The following NBEA variants were observed in gnomAD, a reference collection of about 807,000 sequenced individuals.
NBEA encodes neurobeachin, also known as lysosomal-trafficking regulator 2.
Under a neutral mutation model 343.4 loss-of-function variants are expected in NBEA, and 44 were observed. The observed-to-expected ratio is 0.13, with a 90% CI of 0.10 to 0.16. The LOEUF is 0.16. Ranked by LOEUF, NBEA falls within the 10% of genes least tolerant of loss-of-function variation. The pLI is 1.00. For synonymous variants in NBEA, 1,175 were observed against 1,238.7 expected, an observed-to-expected ratio of 0.95 and a Z score of 1.08; for missense variants, 2,555 against 3,631.3, an observed-to-expected ratio of 0.70 and a Z score of 7.62.
chr13:35,177,250 T>A, intron 28 of NBEA, 147 bp downstream of exon 28: 1 of 604,164 alleles, frequency 1.7e-6, no homozygotes, highest in Non-Finnish European at 2.9e-6. Flanking sequence ...TATAAAATGG[T>A]TGAACCTTAG....
At chr13:35,131,396 G>A (rs1308383831) in intron 17 of NBEA, among the ~76,000 whole-genome samples, 1 of 152,078 alleles carries the variant, frequency 6.6e-6, no homozygotes, top group Non-Finnish European at 1.5e-5. Context: ...GAATGTAAAG[G>A]TGGTTTAACA....
At chr13:34,977,429 G>A (rs187213963) in intron 1 of NBEA, among the ~76,000 whole-genome samples, 27 of 151,432 alleles carry the variant, frequency 1.8e-4, no homozygotes, top group African/African-American at 4.9e-4. Context: ...CTGCCTCAGC[G>A]TCTTGAGTAG....
At chr13:35,532,557 A>G (rs2078316547) in intron 41 of NBEA, among the ~76,000 whole-genome samples, 1 of 152,218 alleles carries the variant, frequency 6.6e-6, no homozygotes, top group Non-Finnish European at 1.5e-5. Flanking sequence ...GCTTTGTTAC[A>G]GGTATGATAA....
chr13:35,068,402 T>C (rs1375489416), intron 8 of NBEA, among the ~76,000 whole-genome samples: 1 of 152,186 alleles, frequency 6.6e-6, no homozygotes, highest in Admixed American at 6.6e-5. Flanking sequence ...AGTTTTGTTC[T>C]AGACAATGGG....
rs749861224 is a variant in NBEA, at chr13:35,159,430, G to C, written c.3259G>C (p.Gly1087Arg). The change falls in exon 22 of 59, where the codon GGT becomes CGT. Residue 1087 changes from glycine (G) to arginine (R), a missense_variant. By Grantham distance (125) the Gly-to-Arg change is moderately radical. Coordinates refer to ENST00000379939, the MANE Select transcript of NBEA (RefSeq NM_001385012.1). ...GGAGACTTTAGTAGGTGGAGAGAAT[G>C]GTGCCCTTGTGGAGGTTGAATCTCT... Reference protein sequence around the residue: ...SPETLVGGENGALVEVESLLD... With the variant: ...SPETLVGGENRALVEVESLLD... The C allele has an allele frequency of 1.2e-6, 2 of 1,613,352 alleles. No individual in the cohort carries two copies. The highest frequency in any genetic ancestry group is 3.3e-5 in the Admixed American group (2 of 59,892).
chr13:35,372,682 G>A (rs989272754), intron 38 of NBEA, among the ~76,000 whole-genome samples: 2 of 152,224 alleles, frequency 1.3e-5, no homozygotes, highest in African/African-American at 4.8e-5. Flanking sequence ...TAGCAGCTTC[G>A]TGTGGTGGTG....
intron 1 of NBEA, among the ~76,000 whole-genome samples, chr13:35,031,108 A>G (rs1244197636): frequency 1.3e-5 from 2 of 151,642 alleles, no homozygotes; most frequent in Non-Finnish European, 3.0e-5. Flanking sequence ...CCTTTATTCT[A>G]CAAATTTATA....
At chr13:35,141,158 A>G (rs968031333) in intron 17 of NBEA, among the ~76,000 whole-genome samples, 7 of 152,234 alleles carry the variant, frequency 4.6e-5, no homozygotes, top group African/African-American at 1.7e-4. Context: ...TTTAGTGATT[A>G]CTTTGTCAGG....
chr13:35,122,277 T>A (rs935005267), intron 16 of NBEA, among the ~76,000 whole-genome samples: 1 of 152,140 alleles, frequency 6.6e-6, no homozygotes, highest in Admixed American at 6.6e-5. Flanking sequence ...ACACGTATGT[T>A]TATTGTGGCA....
chr13:35,164,619 G>A (rs1006373821), intron 24 of NBEA, 110 bp downstream of exon 24: 1 of 1,186,552 alleles, frequency 8.4e-7, no homozygotes, highest in Non-Finnish European at 1.2e-6. Flanking sequence ...TACTTTTTAG[G>A]CAAATTTTTA....
chr13:34,965,633 A>G (rs1370858726), intron 1 of NBEA, among the ~76,000 whole-genome samples: 3 of 152,050 alleles, frequency 2.0e-5, no homozygotes, highest in South Asian at 2.1e-4. Flanking sequence ...TTTAGCTTCT[A>G]TATTTTTTTA....
chr13:35,450,859 G>C (rs2046275387), intron 39 of NBEA, among the ~76,000 whole-genome samples: 1 of 152,172 alleles, frequency 6.6e-6, no homozygotes, highest in South Asian at 2.1e-4. Flanking sequence ...AGTATTTCAT[G>C]TCTGTGGTGT....
chr13:35,652,411 C>T (rs539889429), intron 53 of NBEA, among the ~76,000 whole-genome samples: 12 of 150,294 alleles, frequency 8.0e-5, no homozygotes, highest in African/African-American at 2.2e-4. Flanking sequence ...GAGTCCAAGA[C>T]GGGCGGATCA....
At chr13:35,327,379 G>A (rs2038638015) in intron 36 of NBEA, among the ~76,000 whole-genome samples, 1 of 151,942 alleles carries the variant, frequency 6.6e-6, no homozygotes, top group Non-Finnish European at 1.5e-5. Flanking sequence ...ATCAACCTAG[G>A]TGCCCATCAG....
intron 11 of NBEA, among the ~76,000 whole-genome samples, chr13:35,101,466 A>G (rs1202998545): frequency 2.0e-5 from 3 of 151,624 alleles, no homozygotes; most frequent in East Asian, 3.9e-4. Flanking sequence ...CTTGTTGTCT[A>G]TTTTCATGTG....
At chr13:35,394,812 TG>T (rs1398295201) in intron 38 of NBEA, among the ~76,000 whole-genome samples, 8 of 152,166 alleles carry the variant, frequency 5.3e-5, no homozygotes, top group South Asian at 2.1e-4. Context: ...TGTTTTGTTT[TG>T]TTTTTTTCTA....
At chr13:35,148,559 G>A (rs992015875) in intron 18 of NBEA, among the ~76,000 whole-genome samples, 3 of 151,954 alleles carry the variant, frequency 2.0e-5, no homozygotes, top group Non-Finnish European at 4.4e-5. Context: ...ATGTAGAAAA[G>A]CACCAAAATA....
intron 33 of NBEA, among the ~76,000 whole-genome samples, chr13:35,230,211 T>C (rs2074893455): frequency 6.6e-6 from 1 of 152,092 alleles, no homozygotes; most frequent in African/African-American, 2.4e-5. Flanking sequence ...AATGTATATT[T>C]ATACATACTT....
At chr13:35,295,130 A>G (rs2036042785) in intron 35 of NBEA, among the ~76,000 whole-genome samples, 1 of 148,118 alleles carries the variant, frequency 6.8e-6, no homozygotes, top group Non-Finnish European at 1.5e-5. Flanking sequence ...ATATATAAAT[A>G]TAATATTTAT....
Sources: gnomAD v4.1 joint callset for allele counts (sites outside exome capture counted in the v4.1 genomes callset) on GRCh38, gnomAD v4.1.1 for gene constraint, MANE v1.5 for transcripts, NCBI Gene and HGNC (gene_info 2026-07-23, HGNC 2026-07-21) for gene names.